PDK1: variants seen among roughly 807,000 people sequenced by gnomAD.
The protein encoded by PDK1 is [Pyruvate dehydrogenase (acetyl-transferring)] kinase isozyme 1, mitochondrial.
Under a neutral mutation model 54.2 loss-of-function variants are expected in PDK1, and 39 were observed. The ratio of observed to expected loss-of-function variants is 0.72; its 90% CI spans 0.56 to 0.94. PDK1 has a LOEUF of 0.94. Among genes scored for constraint, PDK1 ranks in the 40% least tolerant of loss-of-function variants. PDK1 has a pLI of 0.00. For synonymous variants in PDK1, 221 were observed against 207.1 expected, an observed-to-expected ratio of 1.07 and a Z score of -0.58; for missense variants, 552 against 566.0, an observed-to-expected ratio of 0.98 and a Z score of 0.25.
chr2:172,632,219 A>AT, the PDK1 span, among the ~76,000 whole-genome samples: 4 of 151,832 alleles, frequency 2.6e-5, no homozygotes, highest in African/African-American at 9.7e-5. Context: ...GTGAGCTGAG[A>AT]TTGCATCATT....
the PDK1 span, among the ~76,000 whole-genome samples, chr2:172,673,622 A>G: frequency 3.3e-3 from 498 of 152,298 alleles, 4 homozygotes; most frequent in African/African-American, 0.011. Context: ...CTAGCTACCT[A>G]CTGTAACACA....
At chr2:172,709,509 T>A in the PDK1 span, among the ~76,000 whole-genome samples, 1 of 152,206 alleles carries the variant, frequency 6.6e-6, no homozygotes, top group African/African-American at 2.4e-5. Flanking sequence ...TGAAGCTAAT[T>A]CTTGCTTAAT....
At chr2:172,665,980 C>G in the PDK1 span, among the ~76,000 whole-genome samples, 6 of 152,130 alleles carry the variant, frequency 3.9e-5, no homozygotes, top group Non-Finnish European at 7.4e-5. Context: ...GATGATGGAA[C>G]AGAAAAATAG....
At chr2:172,619,199 G>A in the PDK1 span, among the ~76,000 whole-genome samples, 1 of 152,150 alleles carries the variant, frequency 6.6e-6, no homozygotes, top group Admixed American at 6.5e-5. Context: ...AGGTTGTCTT[G>A]GGCTGCTGGG....
chr2:172,575,674 T>C (rs1172924513), intron 8 of PDK1, among the ~76,000 whole-genome samples: 1 of 150,154 alleles, frequency 6.7e-6, no homozygotes, highest in Non-Finnish European at 1.5e-5. Context: ...ATACAAAAAT[T>C]AGCCAGGCAC....
chr2:172,566,342 G>A (rs1428847014), intron 5 of PDK1, among the ~76,000 whole-genome samples: 1 of 152,108 alleles, frequency 6.6e-6, no homozygotes, highest in Non-Finnish European at 1.5e-5. Flanking sequence ...ATCACCTGAG[G>A]TCAGGAGTTC....
At chr2:172,649,981 C>G in the PDK1 span, among the ~76,000 whole-genome samples, 1 of 152,120 alleles carries the variant, frequency 6.6e-6, no homozygotes, top group Non-Finnish European at 1.5e-5. Context: ...TTAGGACATA[C>G]AGAGAACGCC....
the PDK1 span, among the ~76,000 whole-genome samples, chr2:172,712,966 T>C: frequency 1.3e-5 from 2 of 152,192 alleles, no homozygotes; most frequent in Admixed American, 1.3e-4. Flanking sequence ...AGTAGCTCCT[T>C]TCTGCAGGCA....
At chr2:172,717,733 G>C in the PDK1 span, among the ~76,000 whole-genome samples, 2 of 152,092 alleles carry the variant, frequency 1.3e-5, no homozygotes, top group South Asian at 2.1e-4. Flanking sequence ...TTGCCATTAA[G>C]GAAATATGCC....
chr2:172,614,174 C>T, the PDK1 span, among the ~76,000 whole-genome samples: 1 of 69,422 alleles, frequency 1.4e-5, no homozygotes, highest in Non-Finnish European at 2.5e-5. Context: ...CAGGAAGGAC[C>T]CCCCCCCCCA....
At chr2:172,579,353 T>TG (rs1328132172) in intron 8 of PDK1, among the ~76,000 whole-genome samples, 1 of 152,140 alleles carries the variant, frequency 6.6e-6, no homozygotes, top group Admixed American at 6.5e-5. Flanking sequence ...GCATATTGAT[T>TG]GGAGGGAGGG....
the PDK1 span, among the ~76,000 whole-genome samples, chr2:172,623,510 C>T: frequency 5.0e-4 from 76 of 152,272 alleles, 2 homozygotes; most frequent in East Asian, 0.013. Flanking sequence ...TCAATTTTAT[C>T]GCTCATGACT....
the PDK1 span, among the ~76,000 whole-genome samples, chr2:172,626,104 T>G: frequency 4.1e-4 from 63 of 152,222 alleles, no homozygotes; most frequent in African/African-American, 1.5e-3. Flanking sequence ...ATAATATCTC[T>G]GGAAGATAAA....
chr2:172,631,427 A>T, the PDK1 span, among the ~76,000 whole-genome samples: 1 of 152,222 alleles, frequency 6.6e-6, no homozygotes, highest in Non-Finnish European at 1.5e-5. Context: ...CTGCTTGTGC[A>T]TGTGCACTTA....
chr2:172,658,456 G>A, the PDK1 span, among the ~76,000 whole-genome samples: 1 of 152,162 alleles, frequency 6.6e-6, no homozygotes, highest in Non-Finnish European at 1.5e-5. Flanking sequence ...AAACATGTGT[G>A]TTTGAACAAT....
chr2:172,652,928 T>C, the PDK1 span, among the ~76,000 whole-genome samples: 1 of 152,160 alleles, frequency 6.6e-6, no homozygotes, highest in South Asian at 2.1e-4. Context: ...GGCATCCCCA[T>C]CAAGCTACCA....
At chr2:172,648,230 G>GT in the PDK1 span, among the ~76,000 whole-genome samples, 2,617 of 152,236 alleles carry the variant, frequency 0.017, 75 homozygotes, top group African/African-American at 0.059. Context: ...TAATTTCCAG[G>GT]TTTTACTAAT....
chr2:172,630,632 ATTT>A, the PDK1 span, among the ~76,000 whole-genome samples: 3 of 144,068 alleles, frequency 2.1e-5, no homozygotes, highest in Admixed American at 6.9e-5. Context: ...CTCTAATGGA[ATTT>A]TTTTTTTTTT....
At chr2:172,619,670 A>G in the PDK1 span, among the ~76,000 whole-genome samples, 1 of 152,160 alleles carries the variant, frequency 6.6e-6, no homozygotes, top group Non-Finnish European at 1.5e-5. Context: ...TCTCGCCACA[A>G]TTACACCCAA....
Sources: gnomAD v4.1 joint callset for allele counts (sites outside exome capture counted in the v4.1 genomes callset) on GRCh38, gnomAD v4.1.1 for gene constraint, MANE v1.5 for transcripts, NCBI Gene and HGNC (gene_info 2026-07-23, HGNC 2026-07-21) for gene names.